Variants in ELK3 observed in about 807,000 individuals in gnomAD.
The protein encoded by ELK3 is ETS domain-containing protein Elk-3.
Under a neutral mutation model 28.9 loss-of-function variants are expected in ELK3, and 10 were observed. That is an observed-to-expected ratio of 0.35 (90% confidence interval 0.21 to 0.59). The LOEUF is 0.59. Ranked by LOEUF, ELK3 falls within the 20% of genes least tolerant of loss-of-function variation. The probability of loss-of-function intolerance (pLI) is 0.82; values close to 1 mark genes in which losing one functional copy is unlikely to be tolerated. For missense variants in ELK3, 463 were observed against 517.3 expected (o/e 0.90, Z 1.02); for synonymous variants, 272 against 243.5 (o/e 1.12, Z -1.09).
intron 3 of ELK3, among the ~76,000 whole-genome samples, chr12:96,257,031 G>A (rs1037911605): frequency 3.9e-5 from 6 of 152,248 alleles, no homozygotes; most frequent in Non-Finnish European, 4.4e-5. Context: ...CCCAGCAGCC[G>A]TGGGATCAGG....
intron 1 of ELK3, among the ~76,000 whole-genome samples, chr12:96,222,503 A>G (rs1224450374): frequency 6.6e-6 from 1 of 152,212 alleles, no homozygotes; most frequent in African/African-American, 2.4e-5. Flanking sequence ...GGGAAAGGGA[A>G]GGTCTCTGCA....
At chr12:96,232,127 G>C (rs1433648900) in intron 2 of ELK3, among the ~76,000 whole-genome samples, 1 of 152,230 alleles carries the variant, frequency 6.6e-6, no homozygotes, top group African/African-American at 2.4e-5. Flanking sequence ...AACAGTGTGA[G>C]TAAAGGCAGG....
At chr12:96,203,477 G>A (rs771266867) in intron 1 of ELK3, among the ~76,000 whole-genome samples, 2 of 152,178 alleles carry the variant, frequency 1.3e-5, no homozygotes, top group South Asian at 4.1e-4. Context: ...TACAATACCT[G>A]GCACTCAATG....
intron 2 of ELK3, among the ~76,000 whole-genome samples, chr12:96,228,556 C>T (rs893951213): frequency 1.3e-5 from 2 of 151,768 alleles, no homozygotes; most frequent in African/African-American, 4.8e-5. Context: ...AGCACTTTGT[C>T]GTGCTTTTTA....
At chr12:96,267,024 C>CTAAG (rs1044612532) in intron 4 of ELK3, 58 bp from the exon 5 acceptor site, 1 of 1,450,724 alleles carries the variant, frequency 6.9e-7, no homozygotes. Context: ...TGTAAAGAAC[C>CTAAG]TAAGTTCTTC....
At chr12:96,237,960 T>C (rs191905389) in intron 2 of ELK3, among the ~76,000 whole-genome samples, 18 of 152,286 alleles carry the variant, frequency 1.2e-4, no homozygotes, top group African/African-American at 4.1e-4. Flanking sequence ...AGAAAATGTG[T>C]TGGCCAGGAA....
Position 96,267,266 on chromosome 12 carries a change from A to G in ELK3, c.*86A>G. 1.8e-6 allele frequency: 2 copies of G among 1,118,784 alleles called. No homozygotes were observed. The highest frequency in any genetic ancestry group is 2.6e-5 in the East Asian group (1 of 38,384). The allele number at this position is 1,118,784 out of a possible 1,614,324, so 69.3% of individuals were successfully genotyped here. A position where few individuals can be genotyped will look rare whatever the true frequency, so the allele number is the denominator to read the frequency against. On this transcript the variant is annotated 3_prime_UTR_variant, in exon 5 of 5. Transcript: ENST00000228741. ...AGTTTACCTGTGTCGTGAGAAGGACATTGTGAAACTCTTGTTAATTTGGTT... is the reference window on the plus strand; with the variant it reads ...AGTTTACCTGTGTCGTGAGAAGGACGTTGTGAAACTCTTGTTAATTTGGTT...
At chr12:96,256,365 C>T (rs1447422242) in intron 3 of ELK3, among the ~76,000 whole-genome samples, 1 of 152,056 alleles carries the variant, frequency 6.6e-6, no homozygotes, top group East Asian at 1.9e-4. Flanking sequence ...ATCTGTGGCA[C>T]CTGAAACATA....
rs1232328633 is a variant in ELK3, at chr12:96,259,631, G to A, written c.1003-100G>A. 6 of 1,354,794 alleles carry A rather than the reference G, an allele frequency of 4.4e-6. No homozygotes were observed. The East Asian group carries it at 1.2e-4, about 28-fold the overall frequency. The allele number at this position is 1,354,794 out of a possible 1,614,324, so 83.9% of individuals were successfully genotyped here. A position where few individuals can be genotyped will look rare whatever the true frequency, so the allele number is the denominator to read the frequency against. On this transcript the variant is annotated intron_variant, in intron 3 of 4. Transcript: ENST00000228741. ...TCCTGAGATGGTAAGGTCGTTTCCT[G>A]GCCCATGCCTAGCCTACCTAACCTC...
chr12:96,235,348 C>A (rs1324695173), intron 2 of ELK3, among the ~76,000 whole-genome samples: 1 of 152,052 alleles, frequency 6.6e-6, no homozygotes, highest in Non-Finnish European at 1.5e-5. Flanking sequence ...GTTCCATGGC[C>A]CCTCCCAGAG....
intron 2 of ELK3, among the ~76,000 whole-genome samples, chr12:96,228,586 AAC>A (rs1241288245): frequency 6.6e-6 from 1 of 152,160 alleles, no homozygotes; most frequent in East Asian, 1.9e-4. Context: ...GACAGATGAC[AAC>A]AGTTTCTTTC....
chr12:96,264,726 A>G (rs2137046405), intron 4 of ELK3, among the ~76,000 whole-genome samples: 1 of 152,302 alleles, frequency 6.6e-6, no homozygotes, highest in South Asian at 2.1e-4. Context: ...TTGAGGCTGT[A>G]GTGAGCCATG....
intron 3 of ELK3, among the ~76,000 whole-genome samples, chr12:96,258,111 G>A (rs1334133538): frequency 6.6e-6 from 1 of 152,200 alleles, no homozygotes; most frequent in African/African-American, 2.4e-5. Context: ...GACAGAGAGA[G>A]GTTAGGTGGC....
intron 2 of ELK3, among the ~76,000 whole-genome samples, chr12:96,225,671 A>G (rs1469116661): frequency 6.6e-6 from 1 of 152,252 alleles, no homozygotes; most frequent in Admixed American, 6.5e-5. Context: ...GCCAGTGAGC[A>G]GCAGAGCCCG....
intron 2 of ELK3, among the ~76,000 whole-genome samples, chr12:96,238,258 G>A (rs1471189194): frequency 1.3e-5 from 2 of 152,228 alleles, no homozygotes; most frequent in Non-Finnish European, 2.9e-5. Flanking sequence ...TGTGAGTGAG[G>A]CACTGACTGC....
At chr12:96,217,693 T>A (rs1951628516) in intron 1 of ELK3, among the ~76,000 whole-genome samples, 1 of 152,164 alleles carries the variant, frequency 6.6e-6, no homozygotes, top group African/African-American at 2.4e-5. Flanking sequence ...CCCAGCACTT[T>A]GGGAGGCCGA....
chr12:96,225,899 G>A lies in ELK3; in HGVS notation c.207+2126G>A, dbSNP rs1253771561. Among the ~76,000 whole-genome samples the A allele has an allele frequency of 2.6e-5, 4 of 152,216 alleles. 1 individual carries two copies. The highest frequency in any genetic ancestry group is 5.9e-5 in the Non-Finnish European group (4 of 68,034). On this transcript the variant is annotated intron_variant, in intron 2 of 4. Coordinates refer to ENST00000228741, the MANE Select transcript of ELK3 (RefSeq NM_005230.4). ...CCTAATCCCAGCACTTTGGGAGGCT[G>A]AGGCAGGAGGATCACTTGAGTCCAG...
At chr12:96,229,856 G>A (rs368619224) in intron 2 of ELK3, among the ~76,000 whole-genome samples, 13 of 152,084 alleles carry the variant, frequency 8.5e-5, no homozygotes, top group African/African-American at 1.9e-4. Flanking sequence ...TGAGGATACC[G>A]GTCATTGGAT....
At chr12:96,236,714 G>C (rs1951786800) in intron 2 of ELK3, among the ~76,000 whole-genome samples, 1 of 152,236 alleles carries the variant, frequency 6.6e-6, no homozygotes, top group Non-Finnish European at 1.5e-5. Flanking sequence ...GCCCCAGGCT[G>C]TGCCTCCTCT....
Sources: gnomAD v4.1 joint callset for allele counts (sites outside exome capture counted in the v4.1 genomes callset) on GRCh38, gnomAD v4.1.1 for gene constraint, MANE v1.5 for transcripts, NCBI Gene and HGNC (gene_info 2026-07-23, HGNC 2026-07-21) for gene names.